DSCAM: variants seen among roughly 807,000 people sequenced by gnomAD.
DSCAM encodes the protein cell adhesion molecule DSCAM.
DSCAM carries 47 observed loss-of-function variants against 217.7 expected under a neutral mutation model. That is an observed-to-expected ratio of 0.22 (90% confidence interval 0.17 to 0.28). DSCAM has a LOEUF of 0.28. Ranked by LOEUF, DSCAM falls within the 10% of genes least tolerant of loss-of-function variation. The probability of loss-of-function intolerance (pLI) is 1.00; values close to 1 mark genes in which losing one functional copy is unlikely to be tolerated. For missense variants in DSCAM, 2,080 were observed against 2,618.3 expected, an observed-to-expected ratio of 0.79 and a Z score of 4.49; for synonymous variants, 1,056 against 1,015.3, an observed-to-expected ratio of 1.04 and a Z score of -0.76.
chr21:40,020,343 A>T (rs544609596), intron 32 of DSCAM, among the ~76,000 whole-genome samples: 7 of 152,122 alleles, frequency 4.6e-5, no homozygotes, highest in Non-Finnish European at 8.8e-5. Context: ...CATGAAAACT[A>T]ACTTCCTTCC....
chr21:40,698,023 T>C (rs769736120), intron 2 of DSCAM, among the ~76,000 whole-genome samples: 3 of 152,232 alleles, frequency 2.0e-5, no homozygotes, highest in African/African-American at 4.8e-5. Flanking sequence ...TACTTCTTTA[T>C]ATTTTTAGCA....
chr21:40,734,832 A>G (rs2091047552), intron 1 of DSCAM, among the ~76,000 whole-genome samples: 1 of 152,176 alleles, frequency 6.6e-6, no homozygotes. Context: ...TGCAGTCTCT[A>G]CCGTCCCTCA....
intron 24 of DSCAM, among the ~76,000 whole-genome samples, chr21:40,081,089 G>A (rs571812971): frequency 9.1e-4 from 138 of 152,290 alleles, no homozygotes; most frequent in African/African-American, 2.5e-3. Context: ...GCAGTTAAGC[G>A]GTGAGTCCCA....
chr21:40,459,502 A>G (rs1447282619), intron 3 of DSCAM, among the ~76,000 whole-genome samples: 1 of 152,206 alleles, frequency 6.6e-6, no homozygotes, highest in Non-Finnish European at 1.5e-5. Context: ...AAGTATGTAC[A>G]AAGAAGCATG....
At chr21:40,323,350 T>C (rs1473681892) in intron 8 of DSCAM, among the ~76,000 whole-genome samples, 2 of 152,332 alleles carry the variant, frequency 1.3e-5, no homozygotes, top group East Asian at 1.9e-4. Flanking sequence ...AAACCAGGTC[T>C]GTGTGTGACA....
intron 3 of DSCAM, among the ~76,000 whole-genome samples, chr21:40,659,514 T>G (rs2090115662): frequency 6.6e-6 from 1 of 152,192 alleles, no homozygotes; most frequent in African/African-American, 2.4e-5. Context: ...TATCTATCTA[T>G]CATCTGTGTT....
intron 3 of DSCAM, among the ~76,000 whole-genome samples, chr21:40,580,151 G>A (rs914164): frequency 2.0e-5 from 3 of 150,546 alleles, no homozygotes; most frequent in African/African-American, 7.3e-5. Flanking sequence ...GCGCGATCTC[G>A]GCTCACTGCA....
chr21:40,716,359 G>C lies in DSCAM; in HGVS notation c.44-7588C>G, dbSNP rs80069344. Among the ~76,000 whole-genome samples, 769 of 152,062 alleles carry C rather than the reference G, an allele frequency of 5.1e-3. 3 individuals carry two copies. Among genetic ancestry groups the C allele is most frequent in the African/African-American group, 0.017 (722 of 41,436 alleles). On this transcript the variant is annotated intron_variant, in intron 1 of 32. Coordinates refer to ENST00000400454, the MANE Select transcript of DSCAM (RefSeq NM_001389.5). ...ACATTTGCTTCCTCCAGTAAGGGCA[G>C]AGGCAACCTTAATGTGAATTATGTG... is the stretch of plus-strand genomic sequence containing the variant.
At chr21:40,134,375 GAC>G (rs1568958638) in intron 18 of DSCAM, among the ~76,000 whole-genome samples, 2 of 152,158 alleles carry the variant, frequency 1.3e-5, no homozygotes, top group African/African-American at 4.8e-5. Flanking sequence ...CACTTAGGGC[GAC>G]ACACACACGC....
chr21:40,521,933 T>C (rs1342171150), intron 3 of DSCAM, among the ~76,000 whole-genome samples: 1 of 152,204 alleles, frequency 6.6e-6, no homozygotes, highest in Non-Finnish European at 1.5e-5. Context: ...TTAAACAACG[T>C]ATACACGTTT....
At chr21:40,686,269 A>C (rs1276359239) in intron 3 of DSCAM, among the ~76,000 whole-genome samples, 4 of 148,362 alleles carry the variant, frequency 2.7e-5, no homozygotes, top group Admixed American at 2.7e-4. Context: ...CCACACACAC[A>C]CCCCACACAC....
intron 9 of DSCAM, among the ~76,000 whole-genome samples, chr21:40,304,041 A>G (rs2074044987): frequency 6.6e-6 from 1 of 152,208 alleles, no homozygotes; most frequent in African/African-American, 2.4e-5. Flanking sequence ...ATCAATGCCA[A>G]GGTCACTCCA....
At chr21:40,189,390 A>G in intron 11 of DSCAM, 152 bp from the exon 12 acceptor site, 1 of 747,474 alleles carries the variant, frequency 1.3e-6, no homozygotes, top group Non-Finnish European at 2.0e-6. Flanking sequence ...AGCAAAATAA[A>G]GGAAAGGCAC....
intron 11 of DSCAM, among the ~76,000 whole-genome samples, chr21:40,248,947 G>C (rs1045090422): frequency 1.3e-5 from 2 of 152,098 alleles, no homozygotes; most frequent in African/African-American, 2.4e-5. Flanking sequence ...TGAAGTAAAA[G>C]CAGAAACCCC....
chr21:40,017,670 G>A (rs1256272655), intron 32 of DSCAM, among the ~76,000 whole-genome samples: 3 of 151,808 alleles, frequency 2.0e-5, no homozygotes, highest in African/African-American at 7.3e-5. Context: ...TCCCCCCTCA[G>A]CCTCCTGAGT....
chr21:40,316,229 G>A (rs929115455), intron 8 of DSCAM, among the ~76,000 whole-genome samples: 3 of 152,162 alleles, frequency 2.0e-5, no homozygotes, highest in Non-Finnish European at 4.4e-5. Context: ...TTTGCTATGT[G>A]TTGCTTTGCT....
chr21:40,809,765 C>A (rs1490928425), intron 1 of DSCAM, among the ~76,000 whole-genome samples: 1 of 152,118 alleles, frequency 6.6e-6, no homozygotes, highest in Non-Finnish European at 1.5e-5. Flanking sequence ...CTCTAGTGGG[C>A]AGGTGCATTT....
chr21:40,246,720 A>G (rs2073231427), intron 11 of DSCAM, among the ~76,000 whole-genome samples: 9 of 152,162 alleles, frequency 5.9e-5, no homozygotes, highest in Admixed American at 5.9e-4. Flanking sequence ...AGAGGGCCCA[A>G]GTTTAAATCT....
At chr21:40,226,756 T>G (rs2091336639) in intron 11 of DSCAM, among the ~76,000 whole-genome samples, 1 of 152,230 alleles carries the variant, frequency 6.6e-6, no homozygotes, top group Non-Finnish European at 1.5e-5. Context: ...TTTTTAAAAT[T>G]TTTATTTTAA....
Sources: allele counts gnomAD v4.1 joint callset (sites outside exome capture counted in the v4.1 genomes callset), GRCh38; gene constraint gnomAD v4.1.1; transcripts MANE v1.5; gene names NCBI Gene and HGNC (gene_info 2026-07-23, HGNC 2026-07-21).